MGLL: variants seen among roughly 807,000 people sequenced by gnomAD.
MGLL encodes lysophospholipase homolog.
In MGLL, 7 loss-of-function variants were observed where a neutral mutation model predicts 29.1. That is an observed-to-expected ratio of 0.24 (90% CI 0.14 to 0.45). The LOEUF is 0.45. Among genes scored for constraint, MGLL ranks in the 20% least tolerant of loss-of-function variants. MGLL has a pLI of 0.99. For synonymous variants in MGLL, 148 were observed against 168.3 expected, an observed-to-expected ratio of 0.88 and a Z score of 0.93; for missense variants, 356 against 413.6, an observed-to-expected ratio of 0.86 and a Z score of 1.21.
At chr3:127,757,073 A>G (rs926424800) in intron 3 of MGLL, among the ~76,000 whole-genome samples, 1 of 152,218 alleles carries the variant, frequency 6.6e-6, no homozygotes, top group Admixed American at 6.5e-5. Flanking sequence ...TGATGGTAAG[A>G]AAGTCTGAGT....
intron 2 of MGLL, among the ~76,000 whole-genome samples, chr3:127,812,625 G>C (rs1208206076): frequency 6.6e-6 from 1 of 152,178 alleles, no homozygotes; most frequent in Admixed American, 6.5e-5. Context: ...AAGGGGTAAC[G>C]GTGGGCAATC....
At position 127,793,853 on chromosome 3, in the gene MGLL, C is replaced by T. The variant is rs572881576; in HGVS notation, c.156-11958G>A. Among the ~76,000 whole-genome samples the T allele has an allele frequency of 1.1e-3, 164 of 152,260 alleles. 1 individual carries two copies. The highest frequency in any genetic ancestry group is 0.01 in the Middle Eastern group (3 of 294). On this transcript the variant is annotated intron_variant, in intron 2 of 7. Transcript: ENST00000265052. ...CTGGGATTACAGGCGTGAGCCACTG[C>T]GCCTGGCCAAGTCTTCTTGAAGTGT...
intron 6 of MGLL, among the ~76,000 whole-genome samples, chr3:127,697,229 G>A (rs1222102080): frequency 4.6e-5 from 7 of 152,230 alleles, no homozygotes; most frequent in Admixed American, 4.6e-4. Flanking sequence ...AGCCCTGAGG[G>A]AAGGAGGGCT....
At chr3:127,788,942 C>T (rs12486711) in intron 2 of MGLL, among the ~76,000 whole-genome samples, 2 of 152,178 alleles carry the variant, frequency 1.3e-5, no homozygotes, top group Admixed American at 6.5e-5. Flanking sequence ...GAAGCATTCC[C>T]GGAGGCCTAC....
chr3:127,782,545 G>T (rs146706594), intron 2 of MGLL, among the ~76,000 whole-genome samples: 1,595 of 152,328 alleles, frequency 0.01, 16 homozygotes, highest in South Asian at 0.041. Flanking sequence ...CAGGCAGAGT[G>T]CTGGCGCGGG....
At chr3:127,796,069 A>G (rs2077377485) in intron 2 of MGLL, among the ~76,000 whole-genome samples, 1 of 152,144 alleles carries the variant, frequency 6.6e-6, no homozygotes, top group African/African-American at 2.4e-5. Flanking sequence ...GAATGGAGAG[A>G]ACATTGGAGA....
At chr3:127,709,469 C>A (rs1026059287) in intron 6 of MGLL, among the ~76,000 whole-genome samples, 1 of 152,118 alleles carries the variant, frequency 6.6e-6, no homozygotes, top group Non-Finnish European at 1.5e-5. Context: ...TCCTACACAC[C>A]ACGGGCTATT....
At chr3:127,731,457 C>A (rs918614241) in intron 3 of MGLL, among the ~76,000 whole-genome samples, 1 of 151,896 alleles carries the variant, frequency 6.6e-6, no homozygotes, top group Non-Finnish European at 1.5e-5. Context: ...ATTTGCTGTA[C>A]TTTGATGCTT....
chr3:127,809,999 T>C (rs2077633853), intron 2 of MGLL, among the ~76,000 whole-genome samples: 1 of 151,528 alleles, frequency 6.6e-6, no homozygotes, highest in South Asian at 2.1e-4. Context: ...TTGCTCTGAA[T>C]GGACTAGACT....
At chr3:127,732,092 G>A (rs1204602482) in intron 3 of MGLL, among the ~76,000 whole-genome samples, 3 of 152,190 alleles carry the variant, frequency 2.0e-5, no homozygotes, top group Non-Finnish European at 4.4e-5. Flanking sequence ...AATGGGAAGA[G>A]CCAGCCTCCC....
rs139204235 is a variant in MGLL at position 127,738,939 on chromosome 3, C to A, written c.263-16373G>T. Reference sequence around the variant, plus strand: ...GGCCACACGCAACCAGTGGCTTCCACGCAGGATGGGCAGAGGTAGAACATG... The same window carrying A: ...GGCCACACGCAACCAGTGGCTTCCAAGCAGGATGGGCAGAGGTAGAACATG... On this transcript the variant is annotated intron_variant, in intron 3 of 7. Transcript: ENST00000265052. Among the ~76,000 whole-genome samples, 11 of 152,322 alleles carry A rather than the reference C, an allele frequency of 7.2e-5. No individual in the cohort carries two copies. The East Asian group carries it at 1.7e-3, about 24-fold the overall frequency.
At chr3:127,776,477 T>C (rs1306047352) in intron 3 of MGLL, among the ~76,000 whole-genome samples, 1 of 152,206 alleles carries the variant, frequency 6.6e-6, no homozygotes, top group East Asian at 1.9e-4. Flanking sequence ...CCCTTCCTCC[T>C]GCTGACAAGC....
At chr3:127,734,717 A>T (rs575275294) in intron 3 of MGLL, among the ~76,000 whole-genome samples, 78 of 152,334 alleles carry the variant, frequency 5.1e-4, no homozygotes, top group African/African-American at 1.8e-3. Flanking sequence ...CCACCTTTCC[A>T]CAGGCAGTTT....
chr3:127,730,020 C>T (rs1172552634), intron 3 of MGLL, among the ~76,000 whole-genome samples: 1 of 152,224 alleles, frequency 6.6e-6, no homozygotes, highest in Non-Finnish European at 1.5e-5. Flanking sequence ...ATTGGCTCTC[C>T]TTCACATAGC....
intron 5 of MGLL, chr3:127,715,839 G>T (rs1407350768): frequency 4.4e-6 from 2 of 456,432 alleles, no homozygotes; most frequent in Non-Finnish European, 8.8e-6. Context: ...AAGCCTCAGA[G>T]GGGAGTTGCT....
At chr3:127,782,392 G>T (rs1339476207) in intron 2 of MGLL, among the ~76,000 whole-genome samples, 1 of 152,148 alleles carries the variant, frequency 6.6e-6, no homozygotes, top group African/African-American at 2.4e-5. Flanking sequence ...GCAGAATGGA[G>T]CCCAAATCCC....
chr3:127,781,889 G>T lies in MGLL; in HGVS notation c.162C>A (p.Leu54=). ...CTCCGGCTCCATGGGACACAAAGATGAGGGCCCTGCAGAGACAAGAAGGGA... is the reference window on the plus strand; with the variant it reads ...CTCCGGCTCCATGGGACACAAAGATTAGGGCCCTGCAGAGACAAGAAGGGA... ...YWKPTGTPKA[L]IFVSHGAGEH... is the part of the protein sequence containing the mutation. The change falls in exon 3 of 8, where the codon CTC becomes CTA. Residue 54 remains leucine, a synonymous_variant. Coordinates refer to ENST00000265052, the MANE Select transcript of MGLL (RefSeq NM_007283.7). 2 of 1,614,016 alleles carry T rather than the reference G, an allele frequency of 1.2e-6. No individual in the cohort carries two copies. Among genetic ancestry groups the T allele is most frequent in the Non-Finnish European group, 1.7e-6 (2 of 1,179,986 alleles).
chr3:127,711,723 CCTAT>C (rs2075717615), intron 5 of MGLL: 1 of 146,336 alleles, frequency 6.8e-6, no homozygotes, highest in Admixed American at 7.0e-5. Flanking sequence ...GCACAGTTTC[CCTAT>C]CTTTTTTTTT....
intron 2 of MGLL, 28 bp from the exon 3 acceptor site, chr3:127,781,923 A>T: frequency 6.2e-7 from 1 of 1,610,440 alleles, no homozygotes; most frequent in Non-Finnish European, 8.5e-7. Flanking sequence ...GAGCCTGGTT[A>T]GGAAAGCCCA....
Sources: gnomAD v4.1 joint callset for allele counts (sites outside exome capture counted in the v4.1 genomes callset) on GRCh38, gnomAD v4.1.1 for gene constraint, MANE v1.5 for transcripts, NCBI Gene and HGNC (gene_info 2026-07-23, HGNC 2026-07-21) for gene names.